Variants in CACNA1D observed in about 807,000 individuals in gnomAD.
CACNA1D encodes calcium voltage-gated channel subunit alpha1 D.
Under a neutral mutation model 257.1 loss-of-function variants are expected in CACNA1D, and 55 were observed. The ratio of observed to expected loss-of-function variants is 0.21; its 90% CI spans 0.17 to 0.27. CACNA1D has a LOEUF of 0.27. Among genes scored for constraint, CACNA1D ranks in the 10% least tolerant of loss-of-function variants. CACNA1D has a pLI of 1.00. For missense variants in CACNA1D, 1,876 were observed against 2,784.0 expected (o/e 0.67, Z 7.34); for synonymous variants, 980 against 1,014.9 (o/e 0.97, Z 0.65).
chr3:53,503,762 C>T (rs1158501242), intron 3 of CACNA1D, among the ~76,000 whole-genome samples: 2 of 141,938 alleles, frequency 1.4e-5, no homozygotes, highest in Non-Finnish European at 3.1e-5. Context: ...AAGCTTTGAA[C>T]TTTTTTTTTT....
intron 3 of CACNA1D, among the ~76,000 whole-genome samples, chr3:53,532,674 C>CTTT (rs2091986596): frequency 6.6e-6 from 1 of 152,118 alleles, no homozygotes; most frequent in Non-Finnish European, 1.5e-5. Flanking sequence ...ATGTATATTG[C>CTTT]TTTTATGTTT....
chr3:53,755,017 A>G (rs1356252402), intron 29 of CACNA1D, among the ~76,000 whole-genome samples: 1 of 152,232 alleles, frequency 6.6e-6, no homozygotes, highest in Non-Finnish European at 1.5e-5. Context: ...GTTATTATCT[A>G]CTGTGACTTG....
At chr3:53,749,218 G>T in intron 26 of CACNA1D, 50 bp from the exon 27 acceptor site, 1 of 1,361,326 alleles carries the variant, frequency 7.3e-7, no homozygotes, top group Non-Finnish European at 1.0e-6. Context: ...GGGCTGGGCC[G>T]TGTGGGCTGG....
At chr3:53,717,442 G>C (rs1216555774) in intron 9 of CACNA1D, among the ~76,000 whole-genome samples, 1 of 152,194 alleles carries the variant, frequency 6.6e-6, no homozygotes, top group East Asian at 1.9e-4. Context: ...GAATCAAGTG[G>C]ATGAGAAAAG....
chr3:53,761,986 T>C lies in CACNA1D; in HGVS notation c.3787-12T>C. 1 of 1,595,672 alleles carries C rather than the reference T, an allele frequency of 6.3e-7. No homozygotes were observed. Among genetic ancestry groups the C allele is most frequent in the Non-Finnish European group, 8.6e-7 (1 of 1,163,062 alleles). Reference sequence around the variant, plus strand: ...ATGCTCATAAACATCTGCCCTCGCCTGCTCTGTCCAGGGGTATTTTAGTGA... The same window carrying C: ...ATGCTCATAAACATCTGCCCTCGCCCGCTCTGTCCAGGGGTATTTTAGTGA... On this transcript the variant is annotated splice_polypyrimidine_tract_variant and intron_variant, in intron 29 of 47. Coordinates refer to ENST00000350061, the MANE Select transcript of CACNA1D (RefSeq NM_001128840.3).
rs1156628381 is a variant in CACNA1D, at chr3:53,793,805, A to T, written c.4924-6444A>T. On this transcript the variant is annotated intron_variant, in intron 40 of 47. Transcript: ENST00000350061. The surrounding 1 kb of genome is among the most constrained non-coding windows in gnomAD (Gnocchi z 4.1). ...TGATTTGCAGTCAAACTGCAGAGACACCGCTGTCGTTTCTCTTAAAGCCTT... is the reference window on the plus strand; with the variant it reads ...TGATTTGCAGTCAAACTGCAGAGACTCCGCTGTCGTTTCTCTTAAAGCCTT... Among the ~76,000 whole-genome samples, 2 of 152,214 alleles carry T rather than the reference A, an allele frequency of 1.3e-5. No individual in the cohort carries two copies. Among genetic ancestry groups the T allele is most frequent in the African/African-American group, 4.8e-5 (2 of 41,462 alleles).
At chr3:53,791,059 G>A (rs535225549) in intron 40 of CACNA1D, 1 of 700,840 alleles carries the variant, frequency 1.4e-6, no homozygotes, top group South Asian at 1.5e-5. Flanking sequence ...TTGTGGCTAA[G>A]GCCTTGAAAG....
intron 3 of CACNA1D, among the ~76,000 whole-genome samples, chr3:53,510,530 T>C (rs755446932): frequency 2.0e-5 from 3 of 152,254 alleles, no homozygotes; most frequent in Non-Finnish European, 4.4e-5. Context: ...TATCCTTTTG[T>C]ATGCTTCTTT....
At chr3:53,528,549 A>G (rs2091841772) in intron 3 of CACNA1D, among the ~76,000 whole-genome samples, 1 of 152,192 alleles carries the variant, frequency 6.6e-6, no homozygotes, top group Admixed American at 6.5e-5. Context: ...TTTTAGAATT[A>G]ACTTGTCAAT....
At chr3:53,770,651 C>G in intron 32 of CACNA1D, 99 bp downstream of exon 32, 1 of 1,125,890 alleles carries the variant, frequency 8.9e-7, no homozygotes. Context: ...CCCTGTGTGG[C>G]CACTCTGTGG....
In CACNA1D at chr3:53,810,163, G is replaced by A; in HGVS notation, c.6057G>A (p.Leu2019=). Residue 2019 remains leucine (L), a synonymous_variant, in exon 47 of 48, where the codon CTG becomes CTA. Transcript: ENST00000350061. ...LDQVNGSLPS[L]HRSSWYTDEP... Reference sequence around the variant, plus strand: ...AGGTGAACGGCAGCCTGCCGTCCCTGCACCGCAGCTCCTGGTACACAGACG... The same window carrying A: ...AGGTGAACGGCAGCCTGCCGTCCCTACACCGCAGCTCCTGGTACACAGACG... 6.2e-7 allele frequency: 1 copy of A among 1,614,000 alleles called. No individual in the cohort carries two copies. Among genetic ancestry groups the A allele is most frequent in the African/African-American group, 1.3e-5 (1 of 75,060 alleles).
At chr3:53,698,782 T>C (rs2094594683) in intron 8 of CACNA1D, among the ~76,000 whole-genome samples, 3 of 151,592 alleles carry the variant, frequency 2.0e-5, no homozygotes, top group Admixed American at 6.6e-5. Context: ...GTTTTTCGTG[T>C]GTAAAGGGTA....
intron 30 of CACNA1D, among the ~76,000 whole-genome samples, chr3:53,763,909 C>G (rs2095317843): frequency 6.6e-6 from 1 of 152,058 alleles, no homozygotes; most frequent in East Asian, 1.9e-4. Context: ...ATAAAATGAT[C>G]GGAATATTCG....
chr3:53,541,528 G>A (rs188752357), intron 3 of CACNA1D, among the ~76,000 whole-genome samples: 10 of 152,268 alleles, frequency 6.6e-5, no homozygotes, highest in African/African-American at 2.4e-4. Context: ...AGTGACTGTC[G>A]ATGCTCTTTG....
intron 3 of CACNA1D, among the ~76,000 whole-genome samples, chr3:53,513,840 A>T (rs567481302): frequency 6.6e-6 from 1 of 152,254 alleles, no homozygotes; most frequent in African/African-American, 2.4e-5. Context: ...GTATATTTAG[A>T]TACAACTGGT....
intron 3 of CACNA1D, among the ~76,000 whole-genome samples, chr3:53,537,916 T>A (rs1208143407): frequency 6.6e-6 from 1 of 152,208 alleles, no homozygotes; most frequent in Non-Finnish European, 1.5e-5. Context: ...ATTTTATTAC[T>A]ATTTTTTAGC....
intron 40 of CACNA1D, among the ~76,000 whole-genome samples, chr3:53,787,911 A>T (rs1056482119): frequency 1.3e-5 from 2 of 152,142 alleles, no homozygotes; most frequent in East Asian, 1.9e-4. Context: ...AGGATAAAGA[A>T]TTTTTTAAAA....
intron 45 of CACNA1D, among the ~76,000 whole-genome samples, chr3:53,805,765 CA>C: frequency 6.8e-6 from 1 of 146,166 alleles, no homozygotes; most frequent in Non-Finnish European, 1.5e-5. Context: ...CCTCCTCCCT[CA>C]TCTTCCCTCT....
At chr3:53,672,025 A>C (rs1007294581) in intron 7 of CACNA1D, among the ~76,000 whole-genome samples, 10 of 152,178 alleles carry the variant, frequency 6.6e-5, no homozygotes, top group African/African-American at 2.4e-4. Flanking sequence ...TGTTTTGCTG[A>C]ATTTAACATT....
Sources: allele counts gnomAD v4.1 joint callset (sites outside exome capture counted in the v4.1 genomes callset), GRCh38; gene constraint gnomAD v4.1.1; non-coding constraint Gnocchi (gnomAD v3.1); transcripts MANE v1.5; gene names NCBI Gene and HGNC (gene_info 2026-07-23, HGNC 2026-07-21).